Variants in TMCO5A observed in about 807,000 individuals in gnomAD.
TMCO5A encodes the protein transmembrane and coiled-coil domain-containing protein 5A.
In TMCO5A, 34 loss-of-function variants were observed where a neutral mutation model predicts 42.3. That is an observed-to-expected ratio of 0.80 (90% CI 0.61 to 1.07). The LOEUF (loss-of-function observed/expected upper bound fraction) is 1.07, where lower values mean the gene tolerates loss of function less well. Among genes scored for constraint, TMCO5A ranks in the 50% least tolerant of loss-of-function variants. The pLI is 0.00. For missense variants in TMCO5A, 357 were observed against 327.9 expected (o/e 1.09, Z -0.69); for synonymous variants, 131 against 115.6 (o/e 1.13, Z -0.86).
the TMCO5A span, among the ~76,000 whole-genome samples, chr15:37,988,702 T>A: frequency 6.6e-6 from 1 of 152,090 alleles, no homozygotes; most frequent in Non-Finnish European, 1.5e-5. Flanking sequence ...AAATTCCACT[T>A]GGTCATGGTG....
chr15:37,947,263 T>A (rs759987687), intron 10 of TMCO5A, among the ~76,000 whole-genome samples: 1 of 152,056 alleles, frequency 6.6e-6, no homozygotes, highest in Non-Finnish European at 1.5e-5. Flanking sequence ...TTAAGATATG[T>A]TTATATAGTT....
chr15:38,002,255 GCTTT>G, the TMCO5A span, among the ~76,000 whole-genome samples: 4 of 148,528 alleles, frequency 2.7e-5, no homozygotes, highest in African/African-American at 5.0e-5. Context: ...TTCTCTTGCT[GCTTT>G]CTTTATCATT....
At chr15:38,018,743 G>C in the TMCO5A span, among the ~76,000 whole-genome samples, 1 of 149,614 alleles carries the variant, frequency 6.7e-6, no homozygotes, top group Non-Finnish European at 1.5e-5. Context: ...AGATTAAAAG[G>C]GTTCAGTAAG....
chr15:37,954,872 G>T (rs557358371), downstream of TMCO5A, among the ~76,000 whole-genome samples: 1 of 152,110 alleles, frequency 6.6e-6, no homozygotes, highest in African/African-American at 2.4e-5. Context: ...ATGTTAAGTT[G>T]TTATTAGCTT....
chr15:38,001,353 A>T, the TMCO5A span, among the ~76,000 whole-genome samples: 45 of 151,608 alleles, frequency 3.0e-4, no homozygotes, highest in African/African-American at 1.1e-3. Context: ...TGCATAGAAT[A>T]TAATTGTCCA....
At chr15:38,036,371 T>G in the TMCO5A span, among the ~76,000 whole-genome samples, 1 of 152,118 alleles carries the variant, frequency 6.6e-6, no homozygotes, top group African/African-American at 2.4e-5. Context: ...CACTACTCCC[T>G]ATTGGTACAA....
chr15:38,036,215 G>C, the TMCO5A span, among the ~76,000 whole-genome samples: 6 of 152,182 alleles, frequency 3.9e-5, no homozygotes, highest in Non-Finnish European at 5.9e-5. Flanking sequence ...TGCTAGTGGA[G>C]GATTTCTTGG....
chr15:38,003,220 G>C, the TMCO5A span, among the ~76,000 whole-genome samples: 1 of 33,890 alleles, frequency 3.0e-5, no homozygotes, highest in Non-Finnish European at 5.6e-5. Context: ...CTCCCAAACA[G>C]AGTCTCTCTC....
chr15:37,949,907 A>G (rs1890100956), intron 11 of TMCO5A, among the ~76,000 whole-genome samples: 1 of 152,162 alleles, frequency 6.6e-6, no homozygotes, highest in South Asian at 2.1e-4. Flanking sequence ...TGCAGTCATT[A>G]AAAGGTTTGG....
chr15:37,946,008 A>G (rs149206531), intron 10 of TMCO5A, among the ~76,000 whole-genome samples: 2,499 of 152,198 alleles, frequency 0.016, 79 homozygotes, highest in African/African-American at 0.057. Context: ...TGGGTTTTAC[A>G]TTTAAGTCTA....
At chr15:37,949,240 A>T (rs1890073880) in intron 11 of TMCO5A, among the ~76,000 whole-genome samples, 1 of 152,196 alleles carries the variant, frequency 6.6e-6, no homozygotes. Flanking sequence ...ATAATCATGG[A>T]TAGAAACTCA....
Position 37,942,629 on chromosome 15 carries a change from A to G in TMCO5A, c.569+374A>G, listed in dbSNP as rs540782283. ...AGGCCTTTTCATTAATACCATCCTC[A>G]CTTCCCCCAAATATATGGACACCCA... On this transcript the variant is annotated intron_variant, in intron 9 of 11. Transcript: ENST00000319669. 301 of 181,020 alleles carry G rather than the reference A, an allele frequency of 1.7e-3. 1 individual carries two copies. Among genetic ancestry groups the G allele is most frequent in the South Asian group, 2.7e-3 (19 of 7,014 alleles). The allele number at this position is 181,020 out of a possible 1,614,324, so 11.2% of individuals were successfully genotyped here. A position where few individuals can be genotyped will look rare whatever the true frequency, so the allele number is the denominator to read the frequency against.
chr15:38,026,036 G>C, the TMCO5A span, among the ~76,000 whole-genome samples: 5 of 152,252 alleles, frequency 3.3e-5, no homozygotes, highest in Non-Finnish European at 7.3e-5. Flanking sequence ...CCAGTCTTGG[G>C]TATGTCTTTA....
At chr15:38,017,376 G>A in the TMCO5A span, among the ~76,000 whole-genome samples, 208 of 152,146 alleles carry the variant, frequency 1.4e-3, no homozygotes, top group African/African-American at 4.8e-3. Context: ...GCATGGGAGT[G>A]CGTGGGGTCT....
At chr15:38,029,628 T>A in the TMCO5A span, among the ~76,000 whole-genome samples, 1 of 152,102 alleles carries the variant, frequency 6.6e-6, no homozygotes, top group Non-Finnish European at 1.5e-5. Context: ...CTTGGCTAAT[T>A]TTTTTAAATT....
the TMCO5A span, among the ~76,000 whole-genome samples, chr15:38,026,492 G>A: frequency 6.6e-6 from 1 of 152,170 alleles, no homozygotes; most frequent in African/African-American, 2.4e-5. Context: ...GCTGTTAAAG[G>A]CATTCGGTTT....
downstream of TMCO5A, among the ~76,000 whole-genome samples, chr15:37,969,960 T>C (rs1890644560): frequency 6.6e-6 from 1 of 152,234 alleles, no homozygotes; most frequent in Non-Finnish European, 1.5e-5. Context: ...TCTTTGCTAT[T>C]GTGAGTAGTG....
chr15:38,005,807 T>C, the TMCO5A span, among the ~76,000 whole-genome samples: 3 of 152,298 alleles, frequency 2.0e-5, no homozygotes, highest in Middle Eastern at 3.4e-3. Flanking sequence ...ACAGGTCATA[T>C]GAACTTTAGA....
the TMCO5A span, among the ~76,000 whole-genome samples, chr15:37,998,833 G>A: frequency 2.6e-5 from 4 of 152,074 alleles, no homozygotes; most frequent in Non-Finnish European, 1.5e-5. Context: ...CCATGAACAC[G>A]AAATAACTTT....
Sources: allele counts gnomAD v4.1 joint callset (sites outside exome capture counted in the v4.1 genomes callset), GRCh38; gene constraint gnomAD v4.1.1; transcripts MANE v1.5; gene names NCBI Gene and HGNC (gene_info 2026-07-23, HGNC 2026-07-21).